Variants in UQCC2 observed in about 807,000 individuals in gnomAD.
UQCC2 encodes breast cancer-associated protein SGA-81M.
Under a neutral mutation model 19.9 loss-of-function variants are expected in UQCC2, and 21 were observed. That is an observed-to-expected ratio of 1.05 (90% confidence interval 0.75 to 1.52). The LOEUF (loss-of-function observed/expected upper bound fraction) is 1.52. UQCC2 is among the 40% of genes most tolerant of loss of function. UQCC2 has a pLI of 0.00. For missense variants in UQCC2, 135 were observed against 157.5 expected, an observed-to-expected ratio of 0.86 and a Z score of 0.76; for synonymous variants, 57 against 60.9, an observed-to-expected ratio of 0.94 and a Z score of 0.30.
chr6:33,707,989 G>A (rs1346093559), intron 1 of UQCC2, among the ~76,000 whole-genome samples: 1 of 152,216 alleles, frequency 6.6e-6, no homozygotes, highest in African/African-American at 2.4e-5. Flanking sequence ...TCCCCAGAGG[G>A]CAATTTGAGG....
chr6:33,709,292 C>T (rs985700459), intron 1 of UQCC2, among the ~76,000 whole-genome samples: 12 of 152,210 alleles, frequency 7.9e-5, no homozygotes, highest in African/African-American at 2.7e-4. Context: ...CACAAATATT[C>T]CTTTCTCACT....
At chr6:33,699,606 G>C (rs1357345094) in intron 3 of UQCC2, among the ~76,000 whole-genome samples, 2 of 152,164 alleles carry the variant, frequency 1.3e-5, no homozygotes, top group Non-Finnish European at 2.9e-5. Context: ...GTTTCCCAGA[G>C]AGTACTGGAA....
chr6:33,711,181 T>C (rs895373088), intron 1 of UQCC2, among the ~76,000 whole-genome samples: 36 of 152,110 alleles, frequency 2.4e-4, no homozygotes, highest in African/African-American at 8.2e-4. Context: ...TTTGAAGTTT[T>C]TGTTTGTTTT....
chr6:33,708,222 CA>C (rs907088787), intron 1 of UQCC2, among the ~76,000 whole-genome samples: 1 of 152,174 alleles, frequency 6.6e-6, no homozygotes, highest in Non-Finnish European at 1.5e-5. Context: ...AACGGGCAAC[CA>C]GGGGAAGGAA....
intron 1 of UQCC2, among the ~76,000 whole-genome samples, chr6:33,701,675 A>C (rs1395009845): frequency 1.3e-5 from 2 of 152,080 alleles, no homozygotes; most frequent in African/African-American, 4.8e-5. Flanking sequence ...GCAAACAAGC[A>C]TTTGTTGAGC....
intron 3 of UQCC2, among the ~76,000 whole-genome samples, chr6:33,698,910 T>C (rs578225678): frequency 1.1e-4 from 16 of 152,322 alleles, no homozygotes; most frequent in African/African-American, 3.8e-4. Context: ...TCTTATAATA[T>C]TGTTTTGCTT....
chr6:33,698,588 T>TC (rs1246802046), intron 3 of UQCC2: 1 of 152,162 alleles, frequency 6.6e-6, no homozygotes, highest in Non-Finnish European at 1.5e-5. Context: ...AACATACACG[T>TC]CCCTACACCC....
At chr6:33,700,343 T>C (rs1452421574) in intron 3 of UQCC2, 101 bp downstream of exon 3, 1 of 1,350,246 alleles carries the variant, frequency 7.4e-7, no homozygotes, top group East Asian at 2.3e-5. Context: ...TCTACAAGAC[T>C]TTCCATCAAG....
intron 1 of UQCC2, among the ~76,000 whole-genome samples, chr6:33,701,817 C>T (rs9469568): frequency 5.9e-5 from 9 of 151,566 alleles, no homozygotes; most frequent in Non-Finnish European, 1.3e-4. Context: ...GGGGAGTCCC[C>T]GCATGCTCAA....
intron 1 of UQCC2, among the ~76,000 whole-genome samples, chr6:33,702,613 G>C (rs977497631): frequency 6.6e-6 from 1 of 152,214 alleles, no homozygotes; most frequent in Admixed American, 6.5e-5. Context: ...GCATACAGAG[G>C]AGGTGTGGTC....
At chr6:33,711,521 T>C in intron 1 of UQCC2, 28 bp downstream of exon 1, 1 of 1,581,208 alleles carries the variant, frequency 6.3e-7, no homozygotes, top group South Asian at 1.1e-5. Context: ...TTTCCTCCCC[T>C]CGTCCCAGCC....
intron 3 of UQCC2, 50 bp from the exon 4 acceptor site, chr6:33,697,800 A>G (rs375520529): frequency 1.3e-6 from 2 of 1,508,148 alleles, no homozygotes; most frequent in Non-Finnish European, 9.2e-7. Context: ...CTAAAACTTG[A>G]TGACATAGAT....
chr6:33,711,585 C>T lies in UQCC2; in HGVS notation c.102G>A (p.Arg34=), dbSNP rs756874468. 45 of 1,613,832 alleles carry T rather than the reference C, an allele frequency of 2.8e-5. 1 individual carries two copies. Among genetic ancestry groups the T allele is most frequent in the Middle Eastern group, 3.3e-4 (2 of 6,084 alleles). ...GRDLGAYLRQ[R]VAQAFREGEN... is the part of the protein sequence containing the mutation. ...CTCCCTCCCGAAAGGCCTGTGCTACCCGCTGTCGCAGGTAAGCGCCCAAGT... is the reference window on the plus strand; with the variant it reads ...CTCCCTCCCGAAAGGCCTGTGCTACTCGCTGTCGCAGGTAAGCGCCCAAGT... Residue 34 remains arginine, a synonymous_variant, in exon 1 of 4, where the codon CGG becomes CGA. Coordinates refer to ENST00000607484, the MANE Select transcript of UQCC2 (RefSeq NM_032340.4).
intron 2 of UQCC2, 148 bp from the exon 3 acceptor site, chr6:33,700,661 T>C: frequency 1.3e-6 from 1 of 759,698 alleles, no homozygotes; most frequent in Non-Finnish European, 2.2e-6. Context: ...AGGTCAAGAC[T>C]TGGCCTCGCA....
At chr6:33,704,057 C>T (rs1765670655) in intron 1 of UQCC2, among the ~76,000 whole-genome samples, 1 of 152,142 alleles carries the variant, frequency 6.6e-6, no homozygotes, top group African/African-American at 2.4e-5. Context: ...CCCTACGTCC[C>T]CGGTGGTGTG....
At chr6:33,702,968 G>A (rs914595837) in intron 1 of UQCC2, among the ~76,000 whole-genome samples, 1 of 152,222 alleles carries the variant, frequency 6.6e-6, no homozygotes, top group East Asian at 1.9e-4. Flanking sequence ...TACTCATCAT[G>A]AGAATGTACA....
At chr6:33,701,494 G>A (rs905915921) in intron 1 of UQCC2, 74 bp from the exon 2 acceptor site, 2 of 1,450,530 alleles carry the variant, frequency 1.4e-6, no homozygotes, top group African/African-American at 1.4e-5. Flanking sequence ...CTTGAGGAAA[G>A]ACCATACTTA....
chr6:33,698,136 T>G, intron 3 of UQCC2: 1 of 177,082 alleles, frequency 5.6e-6, no homozygotes, highest in African/African-American at 2.4e-5. Context: ...CACACAGCCC[T>G]TCCTGTCCCC....
At chr6:33,705,107 C>T (rs567017939) in intron 1 of UQCC2, among the ~76,000 whole-genome samples, 1 of 151,490 alleles carries the variant, frequency 6.6e-6, no homozygotes, top group East Asian at 2.0e-4. Context: ...TCTTGGCTCA[C>T]TGCAAGCTCC....
Sources: allele counts gnomAD v4.1 joint callset (sites outside exome capture counted in the v4.1 genomes callset), GRCh38; gene constraint gnomAD v4.1.1; transcripts MANE v1.5; gene names NCBI Gene and HGNC (gene_info 2026-07-23, HGNC 2026-07-21).